Variants in SPOCK3 observed in about 807,000 individuals in gnomAD.
The protein encoded by SPOCK3 is SPARC (osteonectin), cwcv and kazal like domains proteoglycan 3.
A neutral mutation model predicts 56.6 loss-of-function variants in SPOCK3; 30 were observed. That is an observed-to-expected ratio of 0.53 (90% CI 0.40 to 0.72). SPOCK3 has a LOEUF of 0.72. Among genes scored for constraint, SPOCK3 ranks in the 30% least tolerant of loss-of-function variants. SPOCK3 has a pLI of 0.00. For synonymous variants in SPOCK3, 196 were observed against 183.3 expected, an observed-to-expected ratio of 1.07 and a Z score of -0.56; for missense variants, 527 against 530.0, an observed-to-expected ratio of 0.99 and a Z score of 0.06.
chr4:167,207,414 TA>T (rs967715185), intron 2 of SPOCK3, among the ~76,000 whole-genome samples: 9 of 151,628 alleles, frequency 5.9e-5, no homozygotes, highest in African/African-American at 1.5e-4. Flanking sequence ...ATAAAAAAAC[TA>T]AAAAAAATGT....
intron 2 of SPOCK3, among the ~76,000 whole-genome samples, chr4:167,160,249 G>A (rs942906750): frequency 1.6e-4 from 24 of 151,746 alleles, no homozygotes; most frequent in African/African-American, 4.8e-4. Flanking sequence ...CACCAATAAC[G>A]GACAAACAGA....
intron 7 of SPOCK3, among the ~76,000 whole-genome samples, chr4:166,788,574 A>C (rs1341272977): frequency 6.6e-6 from 1 of 151,768 alleles, no homozygotes; most frequent in Non-Finnish European, 1.5e-5. Context: ...GAATATTAAA[A>C]ATGTATAAAA....
At chr4:166,809,197 C>A (rs1216394545) in intron 6 of SPOCK3, among the ~76,000 whole-genome samples, 6 of 151,702 alleles carry the variant, frequency 4.0e-5, no homozygotes, top group African/African-American at 1.5e-4. Context: ...GTTATTTATT[C>A]CATCCTCCTG....
chr4:167,061,143 T>C (rs549605735), intron 3 of SPOCK3, among the ~76,000 whole-genome samples: 8 of 152,100 alleles, frequency 5.3e-5, no homozygotes, highest in African/African-American at 1.9e-4. Flanking sequence ...ATTCAACACA[T>C]TGTCATGCAC....
chr4:166,830,505 G>A (rs1033724415), intron 6 of SPOCK3, among the ~76,000 whole-genome samples: 5 of 152,082 alleles, frequency 3.3e-5, no homozygotes, highest in Admixed American at 2.0e-4. Flanking sequence ...AGCACTTTGG[G>A]AGGCTGAGGC....
At chr4:167,092,320 A>T (rs539175275) in intron 2 of SPOCK3, among the ~76,000 whole-genome samples, 2 of 151,970 alleles carry the variant, frequency 1.3e-5, no homozygotes, top group Admixed American at 6.6e-5. Flanking sequence ...AACATAAACA[A>T]ATCCTCTTTG....
At chr4:167,062,774 C>T (rs1246680058) in intron 2 of SPOCK3, 2 of 482,404 alleles carry the variant, frequency 4.1e-6, no homozygotes, top group East Asian at 3.2e-5. Flanking sequence ...TTCAATAAAC[C>T]TGTTCATTTT....
At chr4:166,742,200 A>G (rs531471593) in intron 8 of SPOCK3, 141 bp from the exon 9 acceptor site, 61 of 604,658 alleles carry the variant, frequency 1.0e-4, no homozygotes, top group Non-Finnish European at 1.6e-4. Context: ...TTATAAAGAT[A>G]CATTCATATA....
At chr4:166,855,054 C>T (rs571031887) in intron 6 of SPOCK3, among the ~76,000 whole-genome samples, 3 of 152,240 alleles carry the variant, frequency 2.0e-5, no homozygotes, top group African/African-American at 7.2e-5. Context: ...TCCCTGCGAA[C>T]AATTGTTTTC....
chr4:166,851,179 A>T (rs1454048414), intron 6 of SPOCK3, among the ~76,000 whole-genome samples: 1 of 152,178 alleles, frequency 6.6e-6, no homozygotes, highest in Non-Finnish European at 1.5e-5. Flanking sequence ...CGAGCAGCCT[A>T]ACTGGGAGGC....
chr4:166,859,660 T>G (rs891607548), intron 6 of SPOCK3, among the ~76,000 whole-genome samples: 2 of 152,090 alleles, frequency 1.3e-5, no homozygotes, highest in Admixed American at 6.6e-5. Context: ...AAATTATTAT[T>G]ATGAATCAGA....
intron 4 of SPOCK3, among the ~76,000 whole-genome samples, chr4:166,936,099 A>C: frequency 6.6e-6 from 1 of 152,200 alleles, no homozygotes; most frequent in South Asian, 2.1e-4. Context: ...TATAAGTTTT[A>C]TTTCTTTTAT....
intron 4 of SPOCK3, among the ~76,000 whole-genome samples, chr4:166,958,852 C>T (rs1352488466): frequency 6.6e-6 from 1 of 152,112 alleles, no homozygotes; most frequent in East Asian, 1.9e-4. Context: ...AACTTCATTC[C>T]TTCAACAAGT....
At chr4:167,103,119 G>A (rs1316818432) in intron 2 of SPOCK3, among the ~76,000 whole-genome samples, 2 of 151,948 alleles carry the variant, frequency 1.3e-5, no homozygotes, top group Non-Finnish European at 2.9e-5. Flanking sequence ...CCCACTCCCT[G>A]AAAGGGAAGG....
intron 2 of SPOCK3, among the ~76,000 whole-genome samples, chr4:167,176,690 A>G (rs1731014761): frequency 6.6e-6 from 1 of 152,102 alleles, no homozygotes; most frequent in Non-Finnish European, 1.5e-5. Flanking sequence ...AGCAGCACCT[A>G]GATAATGAGT....
At chr4:167,066,236 C>G (rs1398517886) in intron 2 of SPOCK3, among the ~76,000 whole-genome samples, 2 of 151,790 alleles carry the variant, frequency 1.3e-5, no homozygotes, top group African/African-American at 4.8e-5. Context: ...TCAGCCTTGG[C>G]ATTATTGATA....
intron 2 of SPOCK3, among the ~76,000 whole-genome samples, chr4:167,228,477 T>C (rs976664748): frequency 6.6e-6 from 1 of 152,168 alleles, no homozygotes; most frequent in African/African-American, 2.4e-5. Flanking sequence ...TCATACCTCC[T>C]GACAGAGTCT....
chr4:167,013,352 A>G (rs2558142), intron 3 of SPOCK3, among the ~76,000 whole-genome samples: 92,554 of 151,536 alleles, frequency 0.61, 31,748 homozygotes, highest in East Asian at 0.85. Flanking sequence ...TTAAAATACC[A>G]TTCTCTTTGG....
At chr4:167,171,515 A>G (rs1730495261) in intron 2 of SPOCK3, among the ~76,000 whole-genome samples, 1 of 152,156 alleles carries the variant, frequency 6.6e-6, no homozygotes, top group South Asian at 2.1e-4. Context: ...ATTTTAGCTG[A>G]AATATTAATA....
Sources: gnomAD v4.1 joint callset for allele counts (sites outside exome capture counted in the v4.1 genomes callset) on GRCh38, gnomAD v4.1.1 for gene constraint, MANE v1.5 for transcripts, NCBI Gene and HGNC (gene_info 2026-07-23, HGNC 2026-07-21) for gene names.